The following DAP variants were observed in gnomAD, a reference collection of about 807,000 sequenced individuals.
DAP encodes death associated protein.
In DAP, 8 loss-of-function variants were observed where a neutral mutation model predicts 13.8. The observed-to-expected ratio is 0.58, with a 90% CI of 0.34 to 1.05. The LOEUF is 1.05. DAP is among the 50% of genes least tolerant of loss of function. The pLI is 0.03. For missense variants in DAP, 106 were observed against 133.2 expected, an observed-to-expected ratio of 0.80 and a Z score of 1.01; for synonymous variants, 47 against 47.5, an observed-to-expected ratio of 0.99 and a Z score of 0.04.
chr5:10,718,122 G>C (rs1232247129), intron 2 of DAP, among the ~76,000 whole-genome samples: 1 of 152,190 alleles, frequency 6.6e-6, no homozygotes, highest in Non-Finnish European at 1.5e-5. Context: ...CAGAGTAACT[G>C]TGGATTGGGG....
chr5:10,741,673 A>T (rs935669693), intron 2 of DAP, among the ~76,000 whole-genome samples: 1 of 152,222 alleles, frequency 6.6e-6, no homozygotes, highest in African/African-American at 2.4e-5. Context: ...TCAGTCCATC[A>T]TTACTATTTA....
intron 2 of DAP, among the ~76,000 whole-genome samples, chr5:10,714,441 G>C (rs1738929814): frequency 1.3e-5 from 2 of 152,130 alleles, no homozygotes; most frequent in African/African-American, 4.8e-5. Context: ...CCTATCAGGA[G>C]ACCTTGTTAT....
At chr5:10,749,378 C>A (rs1739988164) in intron 1 of DAP, among the ~76,000 whole-genome samples, 1 of 152,102 alleles carries the variant, frequency 6.6e-6, no homozygotes, top group Non-Finnish European at 1.5e-5. Flanking sequence ...CTTCTGAAAA[C>A]CACCAAGCTG....
intron 2 of DAP, among the ~76,000 whole-genome samples, chr5:10,719,204 T>C (rs1352150376): frequency 6.6e-6 from 1 of 152,250 alleles, no homozygotes; most frequent in African/African-American, 2.4e-5. Flanking sequence ...ATTTGGATTT[T>C]GGAGGCAACA....
rs1216360261 is a variant in DAP, at chr5:10,721,415, ACTTTGGGCT to A, written c.152+26751_152+26759del. On this transcript the variant is annotated intron_variant, in intron 2 of 3. Coordinates refer to ENST00000230895, the MANE Select transcript of DAP (RefSeq NM_004394.3). Reference sequence around the variant, plus strand: ...AACTTGAAGTTAAGATTGCCTGGACACTTTGGGCTCTTATTACCTTAAGTCAACAGGGTA... The same window carrying A: ...AACTTGAAGTTAAGATTGCCTGGACACTTATTACCTTAAGTCAACAGGGTA... 6.6e-4 allele frequency among the ~76,000 whole-genome samples: 101 copies of A among 152,322 alleles called. 1 individual carries two copies. Among genetic ancestry groups the A allele is most frequent in the African/African-American group, 2.2e-3 (93 of 41,560 alleles).
chr5:10,719,546 G>A (rs915568214), intron 2 of DAP, among the ~76,000 whole-genome samples: 4 of 152,206 alleles, frequency 2.6e-5, no homozygotes, highest in African/African-American at 9.6e-5. Context: ...GGCTTTGGTG[G>A]AAACTGAACA....
intron 2 of DAP, among the ~76,000 whole-genome samples, chr5:10,733,618 C>T (rs1018328205): frequency 6.6e-6 from 1 of 152,186 alleles, no homozygotes; most frequent in Non-Finnish European, 1.5e-5. Flanking sequence ...GTAATGACTA[C>T]AGTCCTGCCT....
At chr5:10,695,382 C>T (rs980938178) in intron 2 of DAP, among the ~76,000 whole-genome samples, 2 of 152,250 alleles carry the variant, frequency 1.3e-5, no homozygotes, top group African/African-American at 2.4e-5. Context: ...CTAATTGTCA[C>T]GAGTCTGACC....
chr5:10,746,933 G>A (rs574352825), intron 2 of DAP, among the ~76,000 whole-genome samples: 94 of 152,324 alleles, frequency 6.2e-4, no homozygotes, highest in South Asian at 2.1e-3. Flanking sequence ...AGCCCGCTGA[G>A]CACTCCATGA....
intron 1 of DAP, among the ~76,000 whole-genome samples, chr5:10,755,882 T>A (rs1179945179): frequency 2.0e-5 from 3 of 152,192 alleles, no homozygotes; most frequent in Admixed American, 6.5e-5. Flanking sequence ...GTGCGGTGGC[T>A]CATGCCTGGA....
chr5:10,713,039 G>A lies in DAP; in HGVS notation c.153-29468C>T, dbSNP rs551928598. 3.9e-3 allele frequency among the ~76,000 whole-genome samples: 586 copies of A among 151,986 alleles called. 2 individuals carry two copies. Among genetic ancestry groups the A allele is most frequent in the Non-Finnish European group, 6.2e-3 (423 of 67,966 alleles). On this transcript the variant is annotated intron_variant, in intron 2 of 3. Transcript: ENST00000230895. ...CTGAGGGAAAACCAACCAACCAGCC[G>A]ACCAACCAGCCAACCAACCAGCCAA... is the stretch of plus-strand genomic sequence containing the variant.
At chr5:10,703,070 T>G (rs936747531) in intron 2 of DAP, among the ~76,000 whole-genome samples, 4 of 152,216 alleles carry the variant, frequency 2.6e-5, no homozygotes, top group African/African-American at 9.6e-5. Flanking sequence ...GGTTTAGTCA[T>G]CTGCAAGTGA....
At chr5:10,695,607 C>A (rs1382706132) in intron 2 of DAP, among the ~76,000 whole-genome samples, 3 of 152,242 alleles carry the variant, frequency 2.0e-5, no homozygotes, top group Non-Finnish European at 4.4e-5. Context: ...TGTTTTCATA[C>A]AACTGGAATC....
At chr5:10,688,146 C>T (rs995781491) in intron 2 of DAP, among the ~76,000 whole-genome samples, 8 of 151,970 alleles carry the variant, frequency 5.3e-5, no homozygotes, top group Non-Finnish European at 1.2e-4. Flanking sequence ...GAACTCCTGG[C>T]CTCAAGTGAT....
At chr5:10,684,597 C>T (rs1373326767) in intron 2 of DAP, among the ~76,000 whole-genome samples, 1 of 152,220 alleles carries the variant, frequency 6.6e-6, no homozygotes, top group Non-Finnish European at 1.5e-5. Flanking sequence ...GATGTACGTG[C>T]TTGTCTTCTT....
At chr5:10,739,637 G>A (rs916267723) in intron 2 of DAP, among the ~76,000 whole-genome samples, 1 of 152,128 alleles carries the variant, frequency 6.6e-6, no homozygotes, top group Admixed American at 6.6e-5. Context: ...CAGGAAAATA[G>A]ACACACCTTC....
At chr5:10,720,622 T>C (rs1739111182) in intron 2 of DAP, among the ~76,000 whole-genome samples, 2 of 152,230 alleles carry the variant, frequency 1.3e-5, no homozygotes, top group Admixed American at 6.5e-5. Flanking sequence ...AGGTTACGCA[T>C]GGGCTCAGCA....
chr5:10,760,903 A>T, intron 1 of DAP, 111 bp downstream of exon 1: 5 of 676,228 alleles, frequency 7.4e-6, no homozygotes, highest in Non-Finnish European at 1.0e-5. Flanking sequence ...AAGGCCCGGA[A>T]CCCGTCTCAG....
chr5:10,687,472 A>G (rs1018685054), intron 2 of DAP, among the ~76,000 whole-genome samples: 2 of 152,224 alleles, frequency 1.3e-5, no homozygotes, highest in Non-Finnish European at 2.9e-5. Context: ...AGCTGATTCC[A>G]ACCCTCATGG....
Sources: gnomAD v4.1 joint callset for allele counts (sites outside exome capture counted in the v4.1 genomes callset) on GRCh38, gnomAD v4.1.1 for gene constraint, MANE v1.5 for transcripts, NCBI Gene and HGNC (gene_info 2026-07-23, HGNC 2026-07-21) for gene names.